Variants in GLRA3 observed in about 807,000 individuals in gnomAD.
The protein encoded by GLRA3 is glycine receptor subunit alpha-3.
GLRA3 carries 44 observed loss-of-function variants against 60.4 expected under a neutral mutation model. That is an observed-to-expected ratio of 0.73 (90% CI 0.57 to 0.94). The LOEUF is 0.94. Ranked by LOEUF, GLRA3 falls within the 40% of genes least tolerant of loss-of-function variation. The probability of loss-of-function intolerance (pLI) is 0.00; values close to 1 mark genes in which losing one functional copy is unlikely to be tolerated. For missense variants in GLRA3, 508 were observed against 564.6 expected, an observed-to-expected ratio of 0.90 and a Z score of 1.02; for synonymous variants, 223 against 192.9, an observed-to-expected ratio of 1.16 and a Z score of -1.29.
intron 3 of GLRA3, among the ~76,000 whole-genome samples, chr4:174,763,637 T>C (rs1184255415): frequency 6.6e-6 from 1 of 152,204 alleles, no homozygotes; most frequent in Non-Finnish European, 1.5e-5. Flanking sequence ...CAACTCATCA[T>C]AGGTTTGCAG....
At chr4:174,799,722 T>C (rs1739730656) in intron 1 of GLRA3, among the ~76,000 whole-genome samples, 1 of 152,210 alleles carries the variant, frequency 6.6e-6, no homozygotes. Context: ...CCCAGGTTGC[T>C]AGCAACTTAC....
intron 1 of GLRA3, among the ~76,000 whole-genome samples, chr4:174,806,846 T>C (rs1740072743): frequency 6.6e-6 from 1 of 152,048 alleles, no homozygotes; most frequent in Non-Finnish European, 1.5e-5. Context: ...AAAACACATA[T>C]TCTTATATTC....
intron 4 of GLRA3, chr4:174,722,579 T>G (rs568564839): frequency 6.5e-6 from 1 of 152,878 alleles, no homozygotes; most frequent in African/African-American, 2.4e-5. Flanking sequence ...CATCTGTTGC[T>G]GTTTTTTCCC....
At chr4:174,661,677 C>T (rs948836066) in intron 7 of GLRA3, among the ~76,000 whole-genome samples, 3 of 152,144 alleles carry the variant, frequency 2.0e-5, no homozygotes, top group Non-Finnish European at 4.4e-5. Context: ...TATCCTGCTC[C>T]ATAGGATCTG....
At chr4:174,807,286 CA>C (rs1346504804) in intron 1 of GLRA3, among the ~76,000 whole-genome samples, 1 of 151,932 alleles carries the variant, frequency 6.6e-6, no homozygotes, top group African/African-American at 2.4e-5. Flanking sequence ...TTAAATAAAA[CA>C]TTCAAAAATA....
At chr4:174,774,026 T>C (rs931297612) in intron 2 of GLRA3, among the ~76,000 whole-genome samples, 3 of 152,042 alleles carry the variant, frequency 2.0e-5, no homozygotes, top group African/African-American at 7.2e-5. Context: ...AAGGTGTGTG[T>C]CTCCATGGGG....
At chr4:174,654,332 AAAGT>A (rs1232948076) in intron 9 of GLRA3, among the ~76,000 whole-genome samples, 4 of 143,588 alleles carry the variant, frequency 2.8e-5, no homozygotes, top group African/African-American at 1.1e-4. Context: ...AATTATTTTT[AAAGT>A]AAGACAGCAT....
At chr4:174,654,334 A>T (rs1733121124) in intron 9 of GLRA3, among the ~76,000 whole-genome samples, 1 of 143,034 alleles carries the variant, frequency 7.0e-6, no homozygotes, top group Admixed American at 7.3e-5. Context: ...TTATTTTTAA[A>T]GTAAGACAGC....
At position 174,759,459 on chromosome 4, in the gene GLRA3, T is replaced by G. The variant is rs570002300; in HGVS notation, c.267+7504A>C. Among the ~76,000 whole-genome samples, 8 of 152,100 alleles carry G rather than the reference T, an allele frequency of 5.3e-5. No homozygotes were observed. The South Asian group carries it at 1.7e-3, about 32-fold the overall frequency. ...ATTAATAATATTTAAATAAAGAGAG[T>G]GATGCATCGTATTCATGGACAGAAA... On this transcript the variant is annotated intron_variant, in intron 3 of 9. Coordinates refer to ENST00000274093, the MANE Select transcript of GLRA3 (RefSeq NM_006529.4).
At chr4:174,744,981 T>A (rs1354571642) in intron 3 of GLRA3, among the ~76,000 whole-genome samples, 8 of 152,142 alleles carry the variant, frequency 5.3e-5, no homozygotes, top group Admixed American at 2.6e-4. Flanking sequence ...ACACAAATTC[T>A]GTAACTGAAG....
chr4:174,666,833 C>T (rs2110917108), intron 7 of GLRA3, among the ~76,000 whole-genome samples: 1 of 149,566 alleles, frequency 6.7e-6, no homozygotes, highest in Admixed American at 6.7e-5. Context: ...AGAATCAAGT[C>T]ACTTTGGCTC....
intron 3 of GLRA3, among the ~76,000 whole-genome samples, chr4:174,739,894 G>A (rs1033690789): frequency 1.3e-5 from 2 of 152,098 alleles, no homozygotes; most frequent in African/African-American, 4.8e-5. Flanking sequence ...GCTTTCCCAG[G>A]CTCCAGAATT....
intron 4 of GLRA3, among the ~76,000 whole-genome samples, chr4:174,727,145 AG>A (rs1736360706): frequency 6.6e-6 from 1 of 152,246 alleles, no homozygotes; most frequent in Non-Finnish European, 1.5e-5. Flanking sequence ...CTCATGAACT[AG>A]GTAAATGTGA....
At chr4:174,803,537 T>A (rs1203446155) in intron 1 of GLRA3, among the ~76,000 whole-genome samples, 1 of 152,176 alleles carries the variant, frequency 6.6e-6, no homozygotes, top group Non-Finnish European at 1.5e-5. Context: ...CATTAACTAG[T>A]TGTTTTGCCT....
In GLRA3 at chr4:174,823,266, T is replaced by A. The variant is rs138676457; in HGVS notation, c.71+5475A>T. ...CTCAAAAAAAAAATGTATTTCCACATATACATGTACATACATATGAATTTG... is the reference window on the plus strand; with the variant it reads ...CTCAAAAAAAAAATGTATTTCCACAAATACATGTACATACATATGAATTTG... On this transcript the variant is annotated intron_variant, in intron 1 of 9. Transcript: ENST00000274093. 3.3e-5 allele frequency among the ~76,000 whole-genome samples: 5 copies of A among 152,234 alleles called. No individual in the cohort carries two copies. In the East Asian group the frequency reaches 9.7e-4, roughly 29 times the overall value.
intron 7 of GLRA3, among the ~76,000 whole-genome samples, chr4:174,673,589 G>T (rs1733991528): frequency 5.9e-5 from 9 of 152,100 alleles, no homozygotes; most frequent in Admixed American, 5.9e-4. Context: ...AACAGAGAGA[G>T]AAGATTTTCA....
chr4:174,725,850 T>C (rs1736301961), intron 4 of GLRA3, among the ~76,000 whole-genome samples: 1 of 152,210 alleles, frequency 6.6e-6, no homozygotes. Flanking sequence ...ACATTTATGG[T>C]TCTTTGTATG....
At chr4:174,737,170 A>G (rs934348060) in intron 3 of GLRA3, among the ~76,000 whole-genome samples, 2 of 152,198 alleles carry the variant, frequency 1.3e-5, no homozygotes, top group Non-Finnish European at 2.9e-5. Context: ...GGGCCTGTGT[A>G]AGATCAAATT....
intron 3 of GLRA3, among the ~76,000 whole-genome samples, chr4:174,753,425 G>A (rs907546963): frequency 6.6e-6 from 1 of 152,182 alleles, no homozygotes; most frequent in Non-Finnish European, 1.5e-5. Context: ...TGACATGCTA[G>A]ATTCATAACT....
Sources: gnomAD v4.1 joint callset for allele counts (sites outside exome capture counted in the v4.1 genomes callset) on GRCh38, gnomAD v4.1.1 for gene constraint, MANE v1.5 for transcripts, NCBI Gene and HGNC (gene_info 2026-07-23, HGNC 2026-07-21) for gene names.